Variants in NCAM2 observed in about 807,000 individuals in gnomAD.
NCAM2 encodes the protein N-CAM-2.
Under a neutral mutation model 98.1 loss-of-function variants are expected in NCAM2, and 30 were observed. That is an observed-to-expected ratio of 0.31 (90% CI 0.23 to 0.41). The LOEUF (loss-of-function observed/expected upper bound fraction) is 0.41, where lower values mean the gene tolerates loss of function less well. Among genes scored for constraint, NCAM2 ranks in the 10% least tolerant of loss-of-function variants. The probability of loss-of-function intolerance (pLI) is 1.00; values close to 1 mark genes in which losing one functional copy is unlikely to be tolerated. For synonymous variants in NCAM2, 368 were observed against 342.4 expected (o/e 1.07, Z -0.83); for missense variants, 867 against 1,005.8 (o/e 0.86, Z 1.87).
chr21:21,214,746 T>TATATATATATATATATATATATATATAC lies in NCAM2; in HGVS notation c.56-65831_56-65830insTATATATATATATATATATATATATACA, dbSNP rs11268201. ...CCATATATATATATATATATATATA[T>TATATATATATATATATATATATATATAC]ACACTATATATACACATATATGTAA... is the stretch of plus-strand genomic sequence containing the variant. On this transcript the variant is annotated intron_variant, in intron 1 of 17. Transcript: ENST00000400546. 4.6e-4 allele frequency among the ~76,000 whole-genome samples: 46 copies of TATATATATATATATATATATATATATAC among 100,570 alleles called. 1 individual carries two copies. The highest frequency in any genetic ancestry group is 1.1e-3 in the African/African-American group (35 of 30,628). The allele number at this position is 100,570 out of a possible 152,430, so 66.0% of individuals were successfully genotyped here.
In NCAM2 at chr21:21,365,402, A is replaced by G. The variant is rs553948872; in HGVS notation, c.1045-8461A>G. 3.3e-5 allele frequency among the ~76,000 whole-genome samples: 5 copies of G among 152,112 alleles called. No homozygotes were observed. The East Asian group carries it at 9.7e-4, about 30-fold the overall frequency. ...AACAAAGCTTCAAAGCAAACCTCAAAGGAATAAAATTGTTTTCAAGTAACT... is the reference window on the plus strand; with the variant it reads ...AACAAAGCTTCAAAGCAAACCTCAAGGGAATAAAATTGTTTTCAAGTAACT... On this transcript the variant is annotated intron_variant, in intron 8 of 17. Coordinates refer to ENST00000400546, the MANE Select transcript of NCAM2 (RefSeq NM_004540.5).
chr21:21,262,668 A>AG (rs2071959419), intron 1 of NCAM2, among the ~76,000 whole-genome samples: 1 of 151,566 alleles, frequency 6.6e-6, no homozygotes, highest in Non-Finnish European at 1.5e-5. Flanking sequence ...CAAAAAAAAA[A>AG]AAAAAAAAAA....
intron 15 of NCAM2, among the ~76,000 whole-genome samples, chr21:21,486,994 T>C (rs1986444984): frequency 1.3e-5 from 2 of 152,114 alleles, no homozygotes. Context: ...ATTTCACAAC[T>C]CTGAGATACA....
chr21:21,200,994 T>C (rs1381899856), intron 1 of NCAM2, among the ~76,000 whole-genome samples: 1 of 152,070 alleles, frequency 6.6e-6, no homozygotes, highest in Non-Finnish European at 1.5e-5. Flanking sequence ...AGAATACTTT[T>C]TTATGATTTT....
At chr21:21,200,075 C>T (rs1022560963) in intron 1 of NCAM2, among the ~76,000 whole-genome samples, 1 of 152,060 alleles carries the variant, frequency 6.6e-6, no homozygotes, top group African/African-American at 2.4e-5. Flanking sequence ...CTCTGTCTCT[C>T]TCTTTTTAAT....
chr21:21,081,187 C>G (rs538227337), intron 1 of NCAM2, among the ~76,000 whole-genome samples: 1 of 152,232 alleles, frequency 6.6e-6, no homozygotes, highest in East Asian at 1.9e-4. Flanking sequence ...TCTTCCCTTA[C>G]CGGCTGAATG....
intron 6 of NCAM2, among the ~76,000 whole-genome samples, chr21:21,326,154 A>G (rs2074505918): frequency 6.6e-6 from 1 of 152,180 alleles, no homozygotes; most frequent in Non-Finnish European, 1.5e-5. Context: ...TGAGGCAGAA[A>G]TACATGGAAA....
intron 1 of NCAM2, among the ~76,000 whole-genome samples, chr21:21,165,422 T>A (rs112795248): frequency 1.3e-5 from 2 of 152,246 alleles, no homozygotes; most frequent in African/African-American, 4.8e-5. Flanking sequence ...AATCACATGG[T>A]TTATCCAACT....
chr21:21,173,540 A>G (rs529481972), intron 1 of NCAM2, among the ~76,000 whole-genome samples: 2 of 152,324 alleles, frequency 1.3e-5, no homozygotes, highest in South Asian at 4.1e-4. Context: ...CCATGAGAGT[A>G]TTCTTATGGA....
chr21:21,337,738 A>T (rs753441320), intron 7 of NCAM2, among the ~76,000 whole-genome samples: 1 of 152,014 alleles, frequency 6.6e-6, no homozygotes, highest in Admixed American at 6.6e-5. Context: ...TTTTTATACA[A>T]TTGATGATTA....
At position 21,206,861 on chromosome 21, in the gene NCAM2, T is replaced by C. The variant is rs1410706019; in HGVS notation, c.56-73717T>C. Among the ~76,000 whole-genome samples, 12 of 152,148 alleles carry C rather than the reference T, an allele frequency of 7.9e-5. No homozygotes were observed. The East Asian group carries it at 9.6e-4, about 12-fold the overall frequency. On this transcript the variant is annotated intron_variant, in intron 1 of 17. Coordinates refer to ENST00000400546, the MANE Select transcript of NCAM2 (RefSeq NM_004540.5). ...ATAAAGTGCTTCTTGGTCTGGTATC[T>C]ATAACATTTACAGTTAAATCAGATT...
chr21:21,387,896 A>G (rs1454805982), intron 9 of NCAM2, among the ~76,000 whole-genome samples: 3 of 152,200 alleles, frequency 2.0e-5, no homozygotes, highest in Admixed American at 1.3e-4. Flanking sequence ...GGAAGAAAAA[A>G]GTAAAACAGT....
chr21:21,041,324 G>C (rs1568957851), intron 1 of NCAM2, among the ~76,000 whole-genome samples: 1 of 152,148 alleles, frequency 6.6e-6, no homozygotes, highest in African/African-American at 2.4e-5. Flanking sequence ...GGGAAGCCGT[G>C]TTATGCTCTC....
intron 1 of NCAM2, among the ~76,000 whole-genome samples, chr21:21,061,171 A>G (rs938129892): frequency 2.0e-5 from 3 of 152,190 alleles, no homozygotes; most frequent in Non-Finnish European, 2.9e-5. Context: ...AATAGCATCA[A>G]TCCACATCAT....
At chr21:21,190,078 C>G (rs921377039) in intron 1 of NCAM2, among the ~76,000 whole-genome samples, 1 of 152,072 alleles carries the variant, frequency 6.6e-6, no homozygotes, top group African/African-American at 2.4e-5. Flanking sequence ...TTACATTGAC[C>G]AAATTTGGAC....
chr21:21,394,704 G>A (rs1002648660), intron 9 of NCAM2, among the ~76,000 whole-genome samples: 8 of 151,540 alleles, frequency 5.3e-5, no homozygotes, highest in East Asian at 2.0e-4. Context: ...AGCCAGGATG[G>A]TCTCGATCTC....
chr21:21,281,466 GA>G (rs535235217), intron 2 of NCAM2, among the ~76,000 whole-genome samples: 10 of 152,114 alleles, frequency 6.6e-5, no homozygotes, highest in African/African-American at 2.4e-4. Context: ...TATGACAATG[GA>G]AAGAATCATA....
intron 1 of NCAM2, among the ~76,000 whole-genome samples, chr21:21,130,802 G>C (rs1204798691): frequency 6.6e-6 from 1 of 151,864 alleles, no homozygotes; most frequent in East Asian, 1.9e-4. Flanking sequence ...ATATGTTTCT[G>C]GGTGAATATT....
chr21:21,192,137 C>G (rs1026852379), intron 1 of NCAM2, among the ~76,000 whole-genome samples: 1 of 152,110 alleles, frequency 6.6e-6, no homozygotes, highest in African/African-American at 2.4e-5. Context: ...GCAGGAGAAT[C>G]ACTTGAATCC....
Sources: allele counts gnomAD v4.1 joint callset (sites outside exome capture counted in the v4.1 genomes callset), GRCh38; gene constraint gnomAD v4.1.1; transcripts MANE v1.5; gene names NCBI Gene and HGNC (gene_info 2026-07-23, HGNC 2026-07-21).